The following CECR2 variants were observed in gnomAD, a reference collection of about 807,000 sequenced individuals.
CECR2 encodes the protein chromatin remodeling regulator CECR2.
In CECR2, 30 loss-of-function variants were observed where a neutral mutation model predicts 154.5. The ratio of observed to expected loss-of-function variants is 0.19; its 90% CI spans 0.15 to 0.26. The LOEUF is 0.26. Among genes scored for constraint, CECR2 ranks in the 10% least tolerant of loss-of-function variants. The probability of loss-of-function intolerance (pLI) is 1.00; values close to 1 mark genes in which losing one functional copy is unlikely to be tolerated. For synonymous variants in CECR2, 725 were observed against 683.7 expected, an observed-to-expected ratio of 1.06 and a Z score of -0.94; for missense variants, 1,743 against 1,829.3, an observed-to-expected ratio of 0.95 and a Z score of 0.86.
intron 1 of CECR2, chr22:17,419,525 AGAAGAG>A (rs200071999): frequency 0.071 from 13,140 of 184,502 alleles, 458 homozygotes; most frequent in Non-Finnish European, 0.085. Flanking sequence ...AAGAAGAAGA[AGAAGAG>A]GAAGAGGAAG....
At position 17,527,352 on chromosome 22, in the gene CECR2, G is replaced by A. The variant is rs147543686; in HGVS notation, c.1108+3081G>A. 7.1e-4 allele frequency among the ~76,000 whole-genome samples: 108 copies of A among 152,266 alleles called. 1 individual carries two copies. Among genetic ancestry groups the A allele is most frequent in the Non-Finnish European group, 2.9e-5 (2 of 68,040 alleles). Reference sequence around the variant, plus strand: ...TCATACCTGTAGTGCCAGCTACTTGGGAAGCTGAGATGGGCAGATAGCTTG... The same window carrying A: ...TCATACCTGTAGTGCCAGCTACTTGAGAAGCTGAGATGGGCAGATAGCTTG... On this transcript the variant is annotated intron_variant, in intron 9 of 18. Coordinates refer to ENST00000262608, the MANE Select transcript of CECR2 (RefSeq NM_001290047.2).
chr22:17,545,732 C>A (rs2056603482), intron 16 of CECR2, among the ~76,000 whole-genome samples: 1 of 150,156 alleles, frequency 6.7e-6, no homozygotes, highest in African/African-American at 2.5e-5. Flanking sequence ...AATCCCAGCT[C>A]CTCGGGAGGC....
rs75285492 is a variant in CECR2, at chr22:17,400,734, T to C, written c.126+30825T>C. On this transcript the variant is annotated intron_variant, in intron 1 of 18. Coordinates refer to ENST00000262608, the MANE Select transcript of CECR2 (RefSeq NM_001290047.2). ...TCTCACTTGCCTGTGTATAGTTTGT[T>C]GGCAGGATCCCAGGAGAGTCTTTTT... 3.6e-3 allele frequency among the ~76,000 whole-genome samples: 554 copies of C among 152,266 alleles called. 3 individuals are homozygous for C. Among genetic ancestry groups the C allele is most frequent in the African/African-American group, 0.013 (520 of 41,548 alleles).
intron 1 of CECR2, among the ~76,000 whole-genome samples, chr22:17,466,094 G>A (rs1010839831): frequency 2.6e-5 from 4 of 151,552 alleles, no homozygotes; most frequent in East Asian, 3.9e-4. Flanking sequence ...TGATCTCGTC[G>A]GCTCACTGCA....
At chr22:17,411,935 A>G (rs1459249967) in intron 1 of CECR2, among the ~76,000 whole-genome samples, 1 of 152,154 alleles carries the variant, frequency 6.6e-6, no homozygotes, top group Non-Finnish European at 1.5e-5. Flanking sequence ...AGATATGGCC[A>G]TGCTGTCACT....
chr22:17,446,584 G>A (rs1257820300), intron 1 of CECR2, among the ~76,000 whole-genome samples: 1 of 149,258 alleles, frequency 6.7e-6, no homozygotes, highest in Non-Finnish European at 1.5e-5. Context: ...GGGTGTGGTG[G>A]CGGGCGCCTG....
Position 17,552,867 on chromosome 22 carries a change from A to G in CECR2, c.*27A>G, listed in dbSNP as rs1281965164. Reference sequence around the variant, plus strand: ...CCAAGGAGGAAATGAGCCCCAAGCAATGGAAAGCTGCACACGAAGACTGGA... The same window carrying G: ...CCAAGGAGGAAATGAGCCCCAAGCAGTGGAAAGCTGCACACGAAGACTGGA... On this transcript the variant is annotated 3_prime_UTR_variant, in exon 19 of 19. Coordinates refer to ENST00000262608, the MANE Select transcript of CECR2 (RefSeq NM_001290047.2). The G allele has an allele frequency of 1.9e-6, 3 of 1,546,740 alleles. No individual in the cohort carries two copies. Among genetic ancestry groups the G allele is most frequent in the Non-Finnish European group, 2.6e-6 (3 of 1,144,936 alleles).
chr22:17,472,205 A>G (rs2055139053), intron 1 of CECR2, among the ~76,000 whole-genome samples: 1 of 152,182 alleles, frequency 6.6e-6, no homozygotes, highest in Non-Finnish European at 1.5e-5. Flanking sequence ...CAGGTCCCTC[A>G]CCATTATACC....
At chr22:17,429,213 T>C (rs946655676) in intron 1 of CECR2, among the ~76,000 whole-genome samples, 5 of 151,920 alleles carry the variant, frequency 3.3e-5, no homozygotes, top group African/African-American at 1.2e-4. Context: ...GCACAGTGAT[T>C]GGTACAAAGA....
chr22:17,386,828 TGTA>T (rs1486539264), intron 1 of CECR2, among the ~76,000 whole-genome samples: 2 of 152,034 alleles, frequency 1.3e-5, no homozygotes, highest in African/African-American at 4.8e-5. Context: ...TTTTTGTAAT[TGTA>T]GTAGAGACAG....
At chr22:17,512,658 G>A (rs1406635021) in intron 8 of CECR2, among the ~76,000 whole-genome samples, 4 of 148,148 alleles carry the variant, frequency 2.7e-5, no homozygotes, top group East Asian at 2.0e-4. Flanking sequence ...AGCTACGATC[G>A]CACCACTGCA....
chr22:17,405,262 A>G (rs2053963653), intron 1 of CECR2, among the ~76,000 whole-genome samples: 1 of 151,968 alleles, frequency 6.6e-6, no homozygotes, highest in Non-Finnish European at 1.5e-5. Flanking sequence ...AATACAAACA[A>G]TTAGCTGGGC....
intron 1 of CECR2, among the ~76,000 whole-genome samples, chr22:17,372,200 A>T (rs1408870109): frequency 6.6e-6 from 1 of 152,178 alleles, no homozygotes; most frequent in Non-Finnish European, 1.5e-5. Flanking sequence ...TTATTTGGAG[A>T]TGTTCAGTCA....
intron 1 of CECR2, chr22:17,477,140 A>G (rs1218774091): frequency 4.1e-6 from 3 of 725,940 alleles, no homozygotes; most frequent in Non-Finnish European, 7.7e-6. Flanking sequence ...GCTGTTGCAG[A>G]TGGTTTATCT....
chr22:17,419,449 G>T, intron 1 of CECR2: 1 of 197,056 alleles, frequency 5.1e-6, no homozygotes, highest in Non-Finnish European at 1.1e-5. Flanking sequence ...AATGTGTGAT[G>T]AGGATCCCCC....
In CECR2 at chr22:17,541,910, A is replaced by G; in HGVS notation, c.1956A>G (p.Gly652=). 1 of 1,613,892 alleles carries G rather than the reference A, an allele frequency of 6.2e-7. No individual in the cohort carries two copies. The highest frequency in any genetic ancestry group is 8.5e-7 in the Non-Finnish European group (1 of 1,179,830). ...SDPATLYGSS[G]VPEPHPGEPV... ...CTGCCACCTTGTATGGCTCCTCTGG[A>G]GTCCCGGAGCCACACCCCGGGGAGC... Residue 652 remains glycine, a synonymous_variant, in exon 15 of 19, where the codon GGA becomes GGG. Coordinates refer to ENST00000262608, the MANE Select transcript of CECR2 (RefSeq NM_001290047.2).
At chr22:17,445,558 ATTATTATTATT>A (rs1216598713) in intron 1 of CECR2, among the ~76,000 whole-genome samples, 1 of 133,930 alleles carries the variant, frequency 7.5e-6, no homozygotes, top group Non-Finnish European at 1.6e-5. Context: ...TATTATTATT[ATTATTATTATT>A]ATTATTATTA....
rs532018993 is a variant in CECR2, at chr22:17,525,329, G to A, written c.1108+1058G>A. Among the ~76,000 whole-genome samples, 241 of 143,098 alleles carry A rather than the reference G, an allele frequency of 1.7e-3. 1 individual carries two copies. The highest frequency in any genetic ancestry group is 5.8e-3 in the African/African-American group (224 of 38,308). 93.9% of individuals were successfully genotyped at this position (143,098 alleles called of 152,430 possible). On this transcript the variant is annotated intron_variant, in intron 9 of 18. Coordinates refer to ENST00000262608, the MANE Select transcript of CECR2 (RefSeq NM_001290047.2). Reference sequence around the variant, plus strand: ...AAAAAAAAAAAAGAAAGGAAGGGAGGGAGGGAAAAGAAAAGAAAGAAAGAA... The same window carrying A: ...AAAAAAAAAAAAGAAAGGAAGGGAGAGAGGGAAAAGAAAAGAAAGAAAGAA...
In CECR2 at chr22:17,537,228, G is replaced by A. The variant is rs2056451280; in HGVS notation, c.1234G>A (p.Asp412Asn). Residue 412 changes from aspartate to asparagine, a missense_variant, in exon 10 of 19, where the codon GAC (aspartate) becomes AAC (asparagine). Transcript: ENST00000262608. ...SPMREEKKTK[D>N]LFELDDDFTA... ...CATGAGAGAGGAAAAAAAGACTAAA[G>A]ACCTGTGAGTATTTAGTAACAACAA... 1 of 1,613,834 alleles carries A rather than the reference G, an allele frequency of 6.2e-7. No individual in the cohort carries two copies. The highest frequency in any genetic ancestry group is 8.5e-7 in the Non-Finnish European group (1 of 1,179,828).
Sources: allele counts gnomAD v4.1 joint callset (sites outside exome capture counted in the v4.1 genomes callset), GRCh38; gene constraint gnomAD v4.1.1; transcripts MANE v1.5; gene names NCBI Gene and HGNC (gene_info 2026-07-23, HGNC 2026-07-21).